PCDHGA7: variants seen among roughly 807,000 people sequenced by gnomAD.
PCDHGA7 encodes protocadherin gamma subfamily A, 7.
A neutral mutation model predicts 58.3 loss-of-function variants in PCDHGA7; 44 were observed. The observed-to-expected ratio is 0.75, with a 90% CI of 0.59 to 0.97. PCDHGA7 has a LOEUF of 0.97. Among genes scored for constraint, PCDHGA7 ranks in the 50% least tolerant of loss-of-function variants. PCDHGA7 has a pLI of 0.00. For synonymous variants in PCDHGA7, 516 were observed against 504.2 expected, an observed-to-expected ratio of 1.02 and a Z score of -0.31; for missense variants, 1,266 against 1,188.7, an observed-to-expected ratio of 1.06 and a Z score of -0.96.
chr5:141,477,007 A>C lies in PCDHGA7; in HGVS notation c.2425-17800A>C, dbSNP rs891158982. The C allele has an allele frequency of 1.9e-6, 3 of 1,614,258 alleles. No individual in the cohort carries two copies. The Admixed American group carries it at 5.0e-5, about 27-fold the overall frequency. ...CCGGCGTGCGGCAACTATTCGCCTT[A>C]GACCTTGTAACCGGGATGCTGACAA... On this transcript the variant is annotated intron_variant, in intron 1 of 3. Coordinates refer to ENST00000518325, the MANE Select transcript of PCDHGA7 (RefSeq NM_018920.4). This position sits in a 1 kb window ranked among gnomAD's most constrained non-coding sequence, Gnocchi z 4.9.
At chr5:141,423,147 G>A (rs545052756) in intron 1 of PCDHGA7, 4 of 1,613,578 alleles carry the variant, frequency 2.5e-6, no homozygotes, top group African/African-American at 2.7e-5. Context: ...ACGCGCTCAA[G>A]CAGAGCCTCG....
intron 1 of PCDHGA7, chr5:141,427,983 C>T (rs1390934748): frequency 1.3e-6 from 2 of 1,596,840 alleles, no homozygotes; most frequent in Admixed American, 1.7e-5. Flanking sequence ...CGCGCTGGGG[C>T]CCGATGGCTC....
At chr5:141,488,159 C>T (rs888153570) in intron 1 of PCDHGA7, among the ~76,000 whole-genome samples, 1 of 152,126 alleles carries the variant, frequency 6.6e-6, no homozygotes, top group Non-Finnish European at 1.5e-5. Flanking sequence ...GAGAGGCACG[C>T]ATCAGAGTGG....
chr5:141,448,894 G>A (rs2098614669), intron 1 of PCDHGA7, among the ~76,000 whole-genome samples: 2 of 152,098 alleles, frequency 1.3e-5, no homozygotes, highest in South Asian at 4.1e-4. Context: ...GCAGTGAGCC[G>A]AGATCGTGCC....
intron 3 of PCDHGA7, among the ~76,000 whole-genome samples, chr5:141,509,068 G>A (rs1267011061): frequency 6.6e-6 from 1 of 152,144 alleles, no homozygotes; most frequent in Non-Finnish European, 1.5e-5. Flanking sequence ...TCTCAGCTCC[G>A]GGGATTTGCG....
intron 1 of PCDHGA7, among the ~76,000 whole-genome samples, chr5:141,472,969 A>G: frequency 6.8e-6 from 1 of 147,990 alleles, no homozygotes; most frequent in Non-Finnish European, 1.5e-5. Flanking sequence ...CTGGGGAACA[A>G]GAGTGAAACT....
chr5:141,484,695 G>A (rs1371166304), intron 1 of PCDHGA7, among the ~76,000 whole-genome samples: 3 of 151,920 alleles, frequency 2.0e-5, no homozygotes, highest in Non-Finnish European at 4.4e-5. Context: ...TCAGGCTGTG[G>A]CTGTTTTCCC....
chr5:141,389,126 A>G, intron 1 of PCDHGA7: 1 of 1,614,034 alleles, frequency 6.2e-7, no homozygotes, highest in South Asian at 1.1e-5. Context: ...AGCAGAATCC[A>G]GAGTACAATA....
chr5:141,445,115 A>G (rs1038787011), intron 1 of PCDHGA7, among the ~76,000 whole-genome samples: 1 of 152,308 alleles, frequency 6.6e-6, no homozygotes, highest in East Asian at 1.9e-4. Flanking sequence ...GTTATTGTAA[A>G]TAGTATTTTT....
intron 1 of PCDHGA7, among the ~76,000 whole-genome samples, chr5:141,458,500 T>G (rs2098947037): frequency 6.6e-6 from 1 of 151,442 alleles, no homozygotes; most frequent in Admixed American, 6.6e-5. Context: ...CTGTACATAC[T>G]GTTTGACACT....
chr5:141,421,864 C>T (rs1561797174), intron 1 of PCDHGA7: 2 of 1,613,766 alleles, frequency 1.2e-6, no homozygotes, highest in Non-Finnish European at 1.7e-6. Context: ...CCTGCTCCTC[C>T]TCACAGCTTT....
intron 1 of PCDHGA7, chr5:141,427,972 C>A: frequency 6.3e-7 from 1 of 1,593,948 alleles, no homozygotes; most frequent in Non-Finnish European, 8.6e-7. Context: ...GTGCTGTACC[C>A]CGCGCTGGGG....
intron 1 of PCDHGA7, among the ~76,000 whole-genome samples, chr5:141,492,882 C>G (rs2099744816): frequency 6.6e-6 from 1 of 152,218 alleles, no homozygotes; most frequent in Admixed American, 6.5e-5. Context: ...CCCAGAGATA[C>G]AGGCTTTTGG....
Position 141,476,641 on chromosome 5 carries a change from C to A in PCDHGA7, c.2425-18166C>A, listed in dbSNP as rs1183948220. The A allele has an allele frequency of 1.2e-6, 2 of 1,614,256 alleles. No homozygotes were observed. The highest frequency in any genetic ancestry group is 1.7e-5 in the Admixed American group (1 of 60,030). On this transcript the variant is annotated intron_variant, in intron 1 of 3. Transcript: ENST00000518325. This position sits in a 1 kb window ranked among gnomAD's most constrained non-coding sequence, Gnocchi z 7.6. ...ACTCTTTACAAACCTATGAGCTGAG[C>A]CGAAATGAATACTTTGCGCTTCGCG... is the stretch of plus-strand genomic sequence containing the variant.
At chr5:141,427,088 T>C in intron 1 of PCDHGA7, 1 of 458,156 alleles carries the variant, frequency 2.2e-6, no homozygotes. Flanking sequence ...CTGACCAGGA[T>C]GAGGGTGTCA....
At chr5:141,404,524 G>C (rs368795324) in intron 1 of PCDHGA7, 3 of 1,613,938 alleles carry the variant, frequency 1.9e-6, no homozygotes, top group Non-Finnish European at 2.5e-6. Context: ...ACTATGAGCA[G>C]TTTAGAGATT....
At chr5:141,454,267 A>G (rs1270638226) in intron 1 of PCDHGA7, among the ~76,000 whole-genome samples, 1 of 152,254 alleles carries the variant, frequency 6.6e-6, no homozygotes, top group Non-Finnish European at 1.5e-5. Context: ...AAGTAATGCC[A>G]GCAAAAACTT....
intron 1 of PCDHGA7, among the ~76,000 whole-genome samples, chr5:141,434,748 C>T (rs932613622): frequency 2.0e-5 from 3 of 151,818 alleles, no homozygotes; most frequent in African/African-American, 7.3e-5. Flanking sequence ...CTATGAGACC[C>T]CTGATTCCCC....
chr5:141,389,928 C>G, intron 1 of PCDHGA7: 1 of 1,614,066 alleles, frequency 6.2e-7, no homozygotes, highest in Non-Finnish European at 8.5e-7. Flanking sequence ...CCCCTCTGAC[C>G]TCCAGGCTGA....
Sources: allele counts gnomAD v4.1 joint callset (sites outside exome capture counted in the v4.1 genomes callset), GRCh38; gene constraint gnomAD v4.1.1; non-coding constraint Gnocchi (gnomAD v3.1); transcripts MANE v1.5; gene names NCBI Gene and HGNC (gene_info 2026-07-23, HGNC 2026-07-21).